The following LRRC4C variants were observed in gnomAD, a reference collection of about 807,000 sequenced individuals.
LRRC4C encodes leucine-rich repeat-containing protein 4C.
A neutral mutation model predicts 33.6 loss-of-function variants in LRRC4C; 5 were observed. The observed-to-expected ratio is 0.15, with a 90% CI of 0.08 to 0.31. The LOEUF is 0.31. Ranked by LOEUF, LRRC4C falls within the 10% of genes least tolerant of loss-of-function variation. The pLI is 1.00. For synonymous variants in LRRC4C, 329 were observed against 302.0 expected (o/e 1.09, Z -0.93); for missense variants, 560 against 796.7 (o/e 0.70, Z 3.58).
At chr11:40,500,617 A>G (rs1954713274) in intron 3 of LRRC4C, among the ~76,000 whole-genome samples, 1 of 151,978 alleles carries the variant, frequency 6.6e-6, no homozygotes, top group Admixed American at 6.6e-5. Flanking sequence ...ATGAGATCTC[A>G]TGAGACTTAT....
At chr11:41,336,251 T>TAAA (rs1208727322) in intron 1 of LRRC4C, among the ~76,000 whole-genome samples, 5 of 149,302 alleles carry the variant, frequency 3.3e-5, no homozygotes, top group African/African-American at 1.2e-4. Flanking sequence ...CCTTTTTTTT[T>TAAA]AAAAAAAAAA....
chr11:40,572,442 T>C (rs943770034), intron 3 of LRRC4C, among the ~76,000 whole-genome samples: 2 of 152,140 alleles, frequency 1.3e-5, no homozygotes, highest in Non-Finnish European at 2.9e-5. Flanking sequence ...GATGAGTACA[T>C]GTGTTTAGAA....
intron 3 of LRRC4C, among the ~76,000 whole-genome samples, chr11:40,329,806 G>A (rs1365502382): frequency 6.9e-6 from 1 of 145,940 alleles, no homozygotes; most frequent in Non-Finnish European, 1.5e-5. Context: ...CAGTGGTGCA[G>A]TCTTGGCTCG....
At chr11:40,307,024 T>C (rs1945073541) in intron 4 of LRRC4C, among the ~76,000 whole-genome samples, 1 of 109,422 alleles carries the variant, frequency 9.1e-6, no homozygotes, top group East Asian at 2.8e-4. Context: ...CTAATATCTA[T>C]CTATCTATAT....
chr11:41,164,545 A>T (rs1051319501), intron 1 of LRRC4C, among the ~76,000 whole-genome samples: 13 of 152,244 alleles, frequency 8.5e-5, no homozygotes, highest in African/African-American at 2.9e-4. Flanking sequence ...TATACTGTAC[A>T]TAACTCTATG....
intron 4 of LRRC4C, among the ~76,000 whole-genome samples, chr11:40,304,129 C>T (rs994642296): frequency 2.6e-5 from 4 of 152,162 alleles, no homozygotes; most frequent in African/African-American, 9.7e-5. Context: ...GAAGCTCCCT[C>T]CATAGAGGCC....
At chr11:41,380,973 A>G (rs1953123961) in intron 1 of LRRC4C, among the ~76,000 whole-genome samples, 1 of 152,188 alleles carries the variant, frequency 6.6e-6, no homozygotes, top group African/African-American at 2.4e-5. Context: ...TGTCTTTCCT[A>G]TGAATCCATA....
chr11:41,149,083 G>A (rs1174089592), intron 1 of LRRC4C, among the ~76,000 whole-genome samples: 2 of 151,926 alleles, frequency 1.3e-5, no homozygotes, highest in Non-Finnish European at 2.9e-5. Context: ...CTGGTGAGCA[G>A]AATTTATTTT....
At chr11:40,178,229 C>T (rs1860679785) in intron 5 of LRRC4C, among the ~76,000 whole-genome samples, 1 of 152,190 alleles carries the variant, frequency 6.6e-6, no homozygotes, top group African/African-American at 2.4e-5. Context: ...AAAGGCATAT[C>T]CGTTCACTTG....
At chr11:40,763,654 G>A (rs994270443) in intron 2 of LRRC4C, among the ~76,000 whole-genome samples, 2 of 152,146 alleles carry the variant, frequency 1.3e-5, no homozygotes, top group African/African-American at 2.4e-5. Context: ...GCTTAGGTAA[G>A]GGAAAGCACA....
At chr11:40,293,221 CG>C (rs1045170432) in intron 4 of LRRC4C, 25 of 151,434 alleles carry the variant, frequency 1.7e-4, no homozygotes, top group African/African-American at 6.1e-4. Flanking sequence ...GGGGCGGGGG[CG>C]GAGGTAGTGG....
chr11:40,495,190 G>A (rs1005719378), intron 3 of LRRC4C, among the ~76,000 whole-genome samples: 9 of 152,144 alleles, frequency 5.9e-5, no homozygotes, highest in African/African-American at 2.2e-4. Context: ...TAAATGTGCT[G>A]TTGCAAGTAT....
chr11:40,807,603 G>A (rs1459569335), intron 2 of LRRC4C, among the ~76,000 whole-genome samples: 1 of 152,216 alleles, frequency 6.6e-6, no homozygotes, highest in Admixed American at 6.5e-5. Flanking sequence ...CTGCTGTTCA[G>A]AGGAGCAAAT....
Position 40,832,902 on chromosome 11 carries a change from T to A in LRRC4C, c.-407+100733A>T, listed in dbSNP as rs143218911. Among the ~76,000 whole-genome samples, 965 of 152,260 alleles carry A rather than the reference T, an allele frequency of 6.3e-3. 8 individuals are homozygous for A. Among genetic ancestry groups the A allele is most frequent in the African/African-American group, 0.022 (914 of 41,566 alleles). The stretch of plus-strand genomic sequence containing the variant: ...CGAGTTCATTTGTAGTAAGCATTTA[T>A]CAAGGCAGTGTGTTTTGGTTGTAGA... On this transcript the variant is annotated intron_variant, in intron 2 of 6. Coordinates refer to ENST00000528697, the MANE Select transcript of LRRC4C (RefSeq NM_001258419.2).
At position 41,345,894 on chromosome 11, in the gene LRRC4C, C is replaced by T. The variant is rs146208979; in HGVS notation, c.-496+113537G>A. Among the ~76,000 whole-genome samples the T allele has an allele frequency of 1.5e-3, 223 of 152,232 alleles. 1 individual carries two copies. Among genetic ancestry groups the T allele is most frequent in the Non-Finnish European group, 2.8e-3 (191 of 68,006 alleles). ...TTTGTAAAATAAACCATATCAAATA[C>T]ATGTTTAAATAAAAACATTGAATTA... On this transcript the variant is annotated intron_variant, in intron 1 of 6. Transcript: ENST00000528697.
chr11:40,190,686 A>G (rs1861766537), intron 5 of LRRC4C, among the ~76,000 whole-genome samples: 1 of 152,228 alleles, frequency 6.6e-6, no homozygotes, highest in South Asian at 2.1e-4. Context: ...TAATGAAGTC[A>G]TTAAAACATA....
At chr11:40,130,475 T>A (rs1355000517) in intron 6 of LRRC4C, among the ~76,000 whole-genome samples, 1 of 152,182 alleles carries the variant, frequency 6.6e-6, no homozygotes, top group East Asian at 1.9e-4. Context: ...AAAGCAACAT[T>A]TTGCAGACTT....
chr11:40,248,803 C>T (rs565748665), intron 4 of LRRC4C, among the ~76,000 whole-genome samples: 50 of 152,214 alleles, frequency 3.3e-4, no homozygotes, highest in African/African-American at 9.1e-4. Flanking sequence ...ACATATTTTA[C>T]GCATATATCA....
At chr11:40,700,198 C>T (rs1323849541) in intron 2 of LRRC4C, among the ~76,000 whole-genome samples, 5 of 152,074 alleles carry the variant, frequency 3.3e-5, no homozygotes, top group Non-Finnish European at 7.4e-5. Context: ...AGGAATCCCT[C>T]GAGCCATCTA....
Sources: gnomAD v4.1 joint callset for allele counts (sites outside exome capture counted in the v4.1 genomes callset) on GRCh38, gnomAD v4.1.1 for gene constraint, MANE v1.5 for transcripts, NCBI Gene and HGNC (gene_info 2026-07-23, HGNC 2026-07-21) for gene names.